The following EPHB1 variants were observed in gnomAD, a reference collection of about 807,000 sequenced individuals.
EPHB1 encodes the protein EPH receptor B1.
A neutral mutation model predicts 94.4 loss-of-function variants in EPHB1; 30 were observed. The observed-to-expected ratio is 0.32, with a 90% CI of 0.24 to 0.43. The LOEUF is 0.43. Among genes scored for constraint, EPHB1 ranks in the 20% least tolerant of loss-of-function variants. The pLI, the probability that EPHB1 is intolerant of heterozygous loss-of-function variation, is 1.00. For synonymous variants in EPHB1, 522 were observed against 489.1 expected, an observed-to-expected ratio of 1.07 and a Z score of -0.89; for missense variants, 1,055 against 1,308.3, an observed-to-expected ratio of 0.81 and a Z score of 2.99.
intron 5 of EPHB1, among the ~76,000 whole-genome samples, chr3:135,149,033 C>A (rs745890965): frequency 4.9e-4 from 75 of 152,284 alleles, no homozygotes; most frequent in Non-Finnish European, 9.4e-4. Flanking sequence ...TCTGTTGGGT[C>A]AGCCTCTTCA....
intron 1 of EPHB1, among the ~76,000 whole-genome samples, chr3:134,817,503 G>A (rs2036293245): frequency 6.6e-6 from 1 of 152,198 alleles, no homozygotes. Context: ...TGTCCCCACC[G>A]TGGCCTTAGA....
At chr3:135,100,435 A>G (rs924054522) in intron 3 of EPHB1, among the ~76,000 whole-genome samples, 1 of 152,200 alleles carries the variant, frequency 6.6e-6, no homozygotes, top group African/African-American at 2.4e-5. Flanking sequence ...AAGGGCTCCA[A>G]TAAAGATTAG....
chr3:135,064,501 A>C (rs1048839502), intron 3 of EPHB1, among the ~76,000 whole-genome samples: 3 of 152,236 alleles, frequency 2.0e-5, no homozygotes, highest in Non-Finnish European at 4.4e-5. Flanking sequence ...TGTTCATAGT[A>C]GCCTCAAATG....
chr3:135,196,988 G>A (rs1942636594), intron 11 of EPHB1, among the ~76,000 whole-genome samples: 1 of 152,048 alleles, frequency 6.6e-6, no homozygotes, highest in Non-Finnish European at 1.5e-5. Context: ...TGGGCGCGGT[G>A]GCTCACGCCT....
chr3:135,114,346 T>G (rs1353873889), intron 4 of EPHB1, among the ~76,000 whole-genome samples: 1 of 151,874 alleles, frequency 6.6e-6, no homozygotes. Flanking sequence ...TCATTTCCTA[T>G]TCCATAAAAT....
intron 15 of EPHB1, among the ~76,000 whole-genome samples, chr3:135,252,341 A>G (rs1158603957): frequency 6.9e-6 from 1 of 145,618 alleles, no homozygotes; most frequent in Non-Finnish European, 1.5e-5. Context: ...CATAAGGTAT[A>G]TCTCCCAATG....
At chr3:134,913,609 G>A (rs539884208) in intron 1 of EPHB1, among the ~76,000 whole-genome samples, 1 of 152,164 alleles carries the variant, frequency 6.6e-6, no homozygotes, top group Non-Finnish European at 1.5e-5. Context: ...CTCTATGGCC[G>A]GGGCCCCTAA....
chr3:135,200,488 C>G (rs1942724453), intron 11 of EPHB1, among the ~76,000 whole-genome samples: 1 of 152,218 alleles, frequency 6.6e-6, no homozygotes, highest in Non-Finnish European at 1.5e-5. Flanking sequence ...AGTCTAAGGG[C>G]TGAAAGCCCT....
chr3:135,229,374 T>C (rs529149494), intron 12 of EPHB1, among the ~76,000 whole-genome samples: 4 of 152,322 alleles, frequency 2.6e-5, no homozygotes, highest in African/African-American at 4.8e-5. Context: ...AAGAAGGAAG[T>C]GCAGTTCAGG....
chr3:135,092,109 T>A (rs2107791830), intron 3 of EPHB1, among the ~76,000 whole-genome samples: 1 of 152,320 alleles, frequency 6.6e-6, no homozygotes, highest in African/African-American at 2.4e-5. Context: ...CCAGCATATG[T>A]CCTGCTCATC....
chr3:134,966,481 T>C (rs189721710), intron 3 of EPHB1, among the ~76,000 whole-genome samples: 2 of 152,360 alleles, frequency 1.3e-5, no homozygotes, highest in East Asian at 3.9e-4. Context: ...ACCCTGGCTC[T>C]TCTTGTCTTT....
intron 3 of EPHB1, among the ~76,000 whole-genome samples, chr3:134,959,100 C>T (rs1240089200): frequency 4.6e-5 from 7 of 152,112 alleles, no homozygotes; most frequent in Non-Finnish European, 1.0e-4. Flanking sequence ...TATGTATTAT[C>T]AAAGATGATG....
chr3:134,822,526 T>C (rs1285582545), intron 1 of EPHB1, among the ~76,000 whole-genome samples: 1 of 152,180 alleles, frequency 6.6e-6, no homozygotes, highest in African/African-American at 2.4e-5. Flanking sequence ...TGCCTAAACA[T>C]TTTTGAGGAA....
intron 1 of EPHB1, among the ~76,000 whole-genome samples, chr3:134,925,107 T>G (rs1301874408): frequency 1.3e-5 from 2 of 152,244 alleles, no homozygotes; most frequent in Non-Finnish European, 2.9e-5. Context: ...CATCCAGGTG[T>G]CTGTCTTTCC....
chr3:135,017,661 A>G (rs934416823), intron 3 of EPHB1, among the ~76,000 whole-genome samples: 3 of 151,810 alleles, frequency 2.0e-5, no homozygotes, highest in East Asian at 1.9e-4. Context: ...GCTGCCTCCT[A>G]TGCTCCCCTC....
At chr3:135,165,030 C>A (rs1941613197) in intron 7 of EPHB1, among the ~76,000 whole-genome samples, 1 of 152,182 alleles carries the variant, frequency 6.6e-6, no homozygotes, top group Non-Finnish European at 1.5e-5. Context: ...TAGCTGGCAA[C>A]TCTAATTGTA....
At chr3:135,252,609 C>G (rs1933173938) in intron 15 of EPHB1, among the ~76,000 whole-genome samples, 1 of 147,204 alleles carries the variant, frequency 6.8e-6, no homozygotes, top group East Asian at 2.0e-4. Flanking sequence ...TTAATCCAGT[C>G]TATCATTGTT....
intron 3 of EPHB1, among the ~76,000 whole-genome samples, chr3:135,006,762 G>C (rs1259006203): frequency 6.6e-6 from 1 of 152,108 alleles, no homozygotes; most frequent in African/African-American, 2.4e-5. Context: ...TACATTCCCA[G>C]AAATGGGGTT....
Position 134,828,736 on chromosome 3 carries a change from G to C in EPHB1, c.58+33047G>C, listed in dbSNP as rs1322783296. Among the ~76,000 whole-genome samples, 4 of 152,190 alleles carry C rather than the reference G, an allele frequency of 2.6e-5. No homozygotes were observed. The East Asian group carries it at 7.7e-4, about 29-fold the overall frequency. On this transcript the variant is annotated intron_variant, in intron 1 of 15. Transcript: ENST00000398015. ...TGAAGGAGGCTGCAGGCCAGGGAAG[G>C]GGTCTAATGGTGCTTCCTGGAGATG... is the stretch of plus-strand genomic sequence containing the variant.
Sources: gnomAD v4.1 joint callset for allele counts (sites outside exome capture counted in the v4.1 genomes callset) on GRCh38, gnomAD v4.1.1 for gene constraint, MANE v1.5 for transcripts, NCBI Gene and HGNC (gene_info 2026-07-23, HGNC 2026-07-21) for gene names.